SRGAP3: variants seen among roughly 807,000 people sequenced by gnomAD.
The protein encoded by SRGAP3 is SLIT-ROBO Rho GTPase activating protein 3.
SRGAP3 carries 39 observed loss-of-function variants against 121.1 expected under a neutral mutation model. That is an observed-to-expected ratio of 0.32 (90% CI 0.25 to 0.42). SRGAP3 has a LOEUF of 0.42. Among genes scored for constraint, SRGAP3 ranks in the 10% least tolerant of loss-of-function variants. The probability of loss-of-function intolerance (pLI) is 1.00; values close to 1 mark genes in which losing one functional copy is unlikely to be tolerated. For synonymous variants in SRGAP3, 601 were observed against 570.0 expected (o/e 1.05, Z -0.77); for missense variants, 1,213 against 1,470.6 (o/e 0.82, Z 2.86).
intron 15 of SRGAP3, chr3:9,014,351 C>T (rs923873744): frequency 1.1e-5 from 2 of 180,400 alleles, no homozygotes; most frequent in Admixed American, 1.1e-4. Context: ...CAGGCAGGGA[C>T]GATGTTTTAT....
At chr3:9,253,791 C>T (rs563214157), upstream of SRGAP3, among the ~76,000 whole-genome samples, 2 of 152,178 alleles carry the variant, frequency 1.3e-5, no homozygotes, top group Non-Finnish European at 2.9e-5. Context: ...TTTTGTAAGG[C>T]TCTTTCATAT....
upstream of SRGAP3, among the ~76,000 whole-genome samples, chr3:9,250,761 G>C (rs1953993116): frequency 6.6e-6 from 1 of 152,176 alleles, no homozygotes; most frequent in South Asian, 2.1e-4. Context: ...TATGGGAAGT[G>C]ACTTACCCAA....
chr3:9,353,064 C>T (rs1345027618), intron 1 of SRGAP3, among the ~76,000 whole-genome samples: 2 of 152,164 alleles, frequency 1.3e-5, no homozygotes, highest in African/African-American at 4.8e-5. Context: ...CCTTTGGCAC[C>T]GTGTTGCTGC....
chr3:9,010,450 G>T, intron 17 of SRGAP3, 63 bp from the exon 18 acceptor site: 1 of 1,588,370 alleles, frequency 6.3e-7, no homozygotes, highest in Non-Finnish European at 8.6e-7. Flanking sequence ...AGCACCTTCA[G>T]CCTCTCATGC....
chr3:9,206,649 C>A (rs143223624), intron 1 of SRGAP3, among the ~76,000 whole-genome samples: 68 of 152,280 alleles, frequency 4.5e-4, no homozygotes, highest in African/African-American at 1.6e-3. Context: ...CTCCCACCTG[C>A]AAAACACTTC....
rs569890583 is a variant in SRGAP3 at position 9,010,559 on chromosome 3, A to C, written c.2148-172T>G. Among the ~76,000 whole-genome samples the C allele has an allele frequency of 4.6e-5, 7 of 152,086 alleles. 1 individual carries two copies. In the South Asian group the frequency reaches 1.5e-3, roughly 32 times the overall value. On this transcript the variant is annotated intron_variant, in intron 17 of 21. Transcript: ENST00000383836. The stretch of plus-strand genomic sequence containing the variant: ...ACTCCGGGGACCTTCCTAATCAGAA[A>C]ACTACTCCCAGCCTCCTCCTTGCGA...
chr3:9,340,464 A>T (rs1955766448), intron 1 of SRGAP3, among the ~76,000 whole-genome samples: 1 of 152,210 alleles, frequency 6.6e-6, no homozygotes, highest in Non-Finnish European at 1.5e-5. Context: ...GAGTCTAAGC[A>T]TTATTAACTC....
At chr3:9,303,236 C>G (rs1299553963) in intron 3 of SRGAP3, among the ~76,000 whole-genome samples, 1 of 152,024 alleles carries the variant, frequency 6.6e-6, no homozygotes, top group African/African-American at 2.4e-5. Context: ...ACCAGCCTGG[C>G]CAACATGGTA....
intron 18 of SRGAP3, among the ~76,000 whole-genome samples, chr3:8,996,329 C>T (rs1177703335): frequency 6.6e-6 from 1 of 152,148 alleles, no homozygotes; most frequent in Admixed American, 6.5e-5. Context: ...GTTCACTCCC[C>T]ATCACTCCCC....
At chr3:9,151,794 G>A (rs985265694) in intron 1 of SRGAP3, among the ~76,000 whole-genome samples, 2 of 152,206 alleles carry the variant, frequency 1.3e-5, no homozygotes, top group African/African-American at 4.8e-5. Flanking sequence ...GCTCAAGGGA[G>A]AGCCGAAGTA....
intron 1 of SRGAP3, among the ~76,000 whole-genome samples, chr3:9,194,750 A>G (rs952398216): frequency 2.0e-5 from 3 of 152,322 alleles, no homozygotes; most frequent in East Asian, 3.9e-4. Context: ...TTCCCCTCCA[A>G]TAAAAACCTA....
intron 3 of SRGAP3, among the ~76,000 whole-genome samples, chr3:9,291,212 C>T (rs73811463): frequency 0.042 from 6,420 of 152,230 alleles, 368 homozygotes; most frequent in African/African-American, 0.13. Flanking sequence ...TGATGAAAAG[C>T]ATCTCAATGA....
intron 1 of SRGAP3, among the ~76,000 whole-genome samples, chr3:9,225,313 G>A (rs1360598791): frequency 1.3e-5 from 2 of 152,144 alleles, no homozygotes; most frequent in Non-Finnish European, 2.9e-5. Flanking sequence ...GGGCAAGGAT[G>A]GTCAGCAGCT....
chr3:9,192,084 C>T (rs993169389), intron 1 of SRGAP3, among the ~76,000 whole-genome samples: 1 of 152,128 alleles, frequency 6.6e-6, no homozygotes, highest in Admixed American at 6.5e-5. Flanking sequence ...TATAGCAATG[C>T]AAGAATGGCC....
At chr3:9,344,699 T>C (rs903745358) in intron 1 of SRGAP3, among the ~76,000 whole-genome samples, 6 of 151,886 alleles carry the variant, frequency 4.0e-5, no homozygotes, top group Non-Finnish European at 7.4e-5. Flanking sequence ...AATAGCATCA[T>C]TTGTTTAACC....
At chr3:9,291,626 AC>A (rs1954872076) in intron 3 of SRGAP3, among the ~76,000 whole-genome samples, 1 of 151,930 alleles carries the variant, frequency 6.6e-6, no homozygotes, top group African/African-American at 2.4e-5. Context: ...ACACACACAC[AC>A]ACACACACGC....
rs74925950 is a variant in SRGAP3 at position 9,010,473 on chromosome 3, C to T, written c.2148-86G>A. ...CAGCCTCTCATGCCAGTCCAGTTGG[C>T]CTCTGGGCCCTCCCGCAGCTCAGAT... is the stretch of plus-strand genomic sequence containing the variant. On this transcript the variant is annotated intron_variant, in intron 17 of 21. Coordinates refer to ENST00000383836, the MANE Select transcript of SRGAP3 (RefSeq NM_014850.4). 69 of 1,450,852 alleles carry T rather than the reference C, an allele frequency of 4.8e-5. No individual in the cohort carries two copies. In the African/African-American group the frequency reaches 8.8e-4, roughly 19 times the overall value. The allele number at this position is 1,450,852 out of a possible 1,614,324, so 89.9% of individuals were successfully genotyped here.
intron 1 of SRGAP3, among the ~76,000 whole-genome samples, chr3:9,133,114 T>A (rs1005059381): frequency 6.6e-6 from 1 of 151,472 alleles, no homozygotes; most frequent in Admixed American, 6.6e-5. Context: ...GTTAAATATA[T>A]TATTTCCTCT....
intron 1 of SRGAP3, among the ~76,000 whole-genome samples, chr3:9,356,422 G>A (rs571201743): frequency 7.3e-6 from 1 of 137,212 alleles, no homozygotes; most frequent in Non-Finnish European, 1.5e-5. Context: ...GCCCAGGCTG[G>A]AGTGCAGTGG....
Sources: gnomAD v4.1 joint callset for allele counts (sites outside exome capture counted in the v4.1 genomes callset) on GRCh38, gnomAD v4.1.1 for gene constraint, MANE v1.5 for transcripts, NCBI Gene and HGNC (gene_info 2026-07-23, HGNC 2026-07-21) for gene names.